The following SPRED2 variants were observed in gnomAD, a reference collection of about 807,000 sequenced individuals.
The protein encoded by SPRED2 is sprouty related EVH1 domain containing 2.
Under a neutral mutation model 43.0 loss-of-function variants are expected in SPRED2, and 47 were observed. The ratio of observed to expected loss-of-function variants is 1.09; its 90% CI spans 0.87 to 1.40. The LOEUF (loss-of-function observed/expected upper bound fraction) is 1.40, where lower values mean the gene tolerates loss of function less well. Among genes scored for constraint, SPRED2 ranks in the 40% most tolerant of loss-of-function variants. The pLI is 0.00. For missense variants in SPRED2, 561 were observed against 586.4 expected (o/e 0.96, Z 0.45); for synonymous variants, 225 against 225.7 (o/e 1.00, Z 0.03).
chr2:65,397,917 G>C (rs2103709898), intron 1 of SPRED2, among the ~76,000 whole-genome samples: 1 of 152,208 alleles, frequency 6.6e-6, no homozygotes, highest in East Asian at 1.9e-4. Context: ...TCAAAAAAGA[G>C]CCTGCATAGC....
chr2:65,401,937 G>GCGCGCACACA (rs776512353), intron 1 of SPRED2, among the ~76,000 whole-genome samples: 6,493 of 114,556 alleles, frequency 0.057, 214 homozygotes, highest in Non-Finnish European at 0.079. Context: ...GCGCGCGCGC[G>GCGCGCACACA]CACACACACA....
At chr2:65,419,643 T>C (rs1676374765) in intron 1 of SPRED2, among the ~76,000 whole-genome samples, 1 of 151,784 alleles carries the variant, frequency 6.6e-6, no homozygotes, top group South Asian at 2.1e-4. Context: ...CCAAGAAAAA[T>C]ATATGCCAAA....
At chr2:65,396,242 C>T (rs1194339637) in intron 1 of SPRED2, among the ~76,000 whole-genome samples, 1 of 152,216 alleles carries the variant, frequency 6.6e-6, no homozygotes, top group Non-Finnish European at 1.5e-5. Context: ...TGCTATATCT[C>T]TGCCTAAAAC....
chr2:65,365,635 A>G (rs1173916998), intron 1 of SPRED2, among the ~76,000 whole-genome samples: 1 of 152,246 alleles, frequency 6.6e-6, no homozygotes, highest in African/African-American at 2.4e-5. Flanking sequence ...GTTGTGTTAT[A>G]GGTCCTGACC....
intron 1 of SPRED2, among the ~76,000 whole-genome samples, chr2:65,427,449 GT>G (rs1676583329): frequency 6.6e-6 from 1 of 152,060 alleles, no homozygotes; most frequent in Non-Finnish European, 1.5e-5. Context: ...ATACCCCCTG[GT>G]AGAAACATAC....
At chr2:65,381,589 G>A (rs1675375132) in intron 1 of SPRED2, among the ~76,000 whole-genome samples, 1 of 152,200 alleles carries the variant, frequency 6.6e-6, no homozygotes, top group Non-Finnish European at 1.5e-5. Context: ...CTTAATACAT[G>A]TTGACACCTA....
At chr2:65,379,612 A>G (rs1675325199) in intron 1 of SPRED2, among the ~76,000 whole-genome samples, 1 of 152,146 alleles carries the variant, frequency 6.6e-6, no homozygotes, top group Non-Finnish European at 1.5e-5. Flanking sequence ...CTTCCCTCCT[A>G]TGACAACCCT....
intron 1 of SPRED2, among the ~76,000 whole-genome samples, chr2:65,393,492 G>A (rs1054343794): frequency 2.6e-5 from 4 of 151,706 alleles, no homozygotes; most frequent in African/African-American, 4.8e-5. Flanking sequence ...TGCCACTACC[G>A]CCCGGCTAAT....
intron 1 of SPRED2, among the ~76,000 whole-genome samples, chr2:65,367,163 G>A (rs897070690): frequency 6.6e-6 from 1 of 152,164 alleles, no homozygotes; most frequent in African/African-American, 2.4e-5. Context: ...CCCAGCTGCA[G>A]AAGCTATGTA....
At chr2:65,417,748 G>A (rs546161312) in intron 1 of SPRED2, among the ~76,000 whole-genome samples, 1 of 152,258 alleles carries the variant, frequency 6.6e-6, no homozygotes, top group African/African-American at 2.4e-5. Context: ...TCTCCAGATT[G>A]CAAATTATGT....
chr2:65,317,351 A>G (rs1259086576), intron 4 of SPRED2, among the ~76,000 whole-genome samples: 10 of 152,186 alleles, frequency 6.6e-5, no homozygotes, highest in Non-Finnish European at 1.5e-4. Flanking sequence ...TGTCTCTACT[A>G]AAAATACAAA....
chr2:65,389,687 C>T (rs1251938872), intron 1 of SPRED2, among the ~76,000 whole-genome samples: 1 of 151,770 alleles, frequency 6.6e-6, no homozygotes, highest in African/African-American at 2.4e-5. Flanking sequence ...TATAGAATTT[C>T]TGGCATCGTT....
intron 1 of SPRED2, among the ~76,000 whole-genome samples, chr2:65,354,132 A>G (rs944746529): frequency 4.6e-5 from 7 of 152,248 alleles, no homozygotes; most frequent in Non-Finnish European, 8.8e-5. Context: ...TTGGGAAAAT[A>G]CCGGCAGGCA....
intron 1 of SPRED2, among the ~76,000 whole-genome samples, chr2:65,352,733 C>T (rs1357832254): frequency 1.3e-5 from 2 of 152,228 alleles, no homozygotes; most frequent in African/African-American, 4.8e-5. Context: ...GAGCAATTCT[C>T]CTGCCTCAGC....
At chr2:65,362,341 C>G (rs1450969064) in intron 1 of SPRED2, among the ~76,000 whole-genome samples, 2 of 152,058 alleles carry the variant, frequency 1.3e-5, no homozygotes. Context: ...GCGATCTGGG[C>G]TCACTGCAAG....
chr2:65,362,957 G>A (rs1054000219), intron 1 of SPRED2, among the ~76,000 whole-genome samples: 9 of 149,732 alleles, frequency 6.0e-5, no homozygotes, highest in Non-Finnish European at 1.3e-4. Flanking sequence ...GGGCGAGCAG[G>A]CCAGCCTGCT....
In SPRED2 at chr2:65,313,463, T is replaced by C. The variant is rs954807133; in HGVS notation, c.*38A>G. The C allele has an allele frequency of 1.9e-6, 3 of 1,566,434 alleles. No individual in the cohort carries two copies. In the South Asian group the frequency reaches 3.6e-5, roughly 19 times the overall value. On this transcript the variant is annotated 3_prime_UTR_variant, in exon 6 of 6. Coordinates refer to ENST00000356388, the MANE Select transcript of SPRED2 (RefSeq NM_181784.3). ...AGAGTATGTAAGAGACGAGTTCCCC[T>C]GTGGCTGCGGATGGAGGGAGAAGGG...
rs66929038 is a variant in SPRED2 at position 65,404,205 on chromosome 2, C to CAA, written c.26+27755_26+27756dup. 3.3e-3 allele frequency among the ~76,000 whole-genome samples: 442 copies of CAA among 135,926 alleles called. 3 individuals are homozygous for CAA. The highest frequency in any genetic ancestry group is 7.3e-3 in the East Asian group (33 of 4,530). The allele number at this position is 135,926 out of a possible 152,430, so 89.2% of individuals were successfully genotyped here. On this transcript the variant is annotated intron_variant, in intron 1 of 5. Transcript: ENST00000356388. ...TGGGCAACAGAGTGAGACTCCGTCT[C>CAA]AAAAAAAAAAAAAGAAAGAAAGAAA...
chr2:65,358,281 A>T (rs893213100), intron 1 of SPRED2, among the ~76,000 whole-genome samples: 3 of 152,240 alleles, frequency 2.0e-5, no homozygotes, highest in African/African-American at 7.2e-5. Flanking sequence ...AATAAGTTTA[A>T]TAAGATCCTC....
Sources: gnomAD v4.1 joint callset for allele counts (sites outside exome capture counted in the v4.1 genomes callset) on GRCh38, gnomAD v4.1.1 for gene constraint, MANE v1.5 for transcripts, NCBI Gene and HGNC (gene_info 2026-07-23, HGNC 2026-07-21) for gene names.